The following RYR2 variants were observed in gnomAD, a reference collection of about 807,000 sequenced individuals.
RYR2 encodes cardiac muscle ryanodine receptor-calcium release channel.
Under a neutral mutation model 601.1 loss-of-function variants are expected in RYR2, and 227 were observed. The observed-to-expected ratio is 0.38, with a 90% CI of 0.34 to 0.42. RYR2 has a LOEUF of 0.42. Ranked by LOEUF, RYR2 falls within the 10% of genes least tolerant of loss-of-function variation. The pLI is 1.00. For missense variants in RYR2, 4,646 were observed against 6,156.5 expected, an observed-to-expected ratio of 0.75 and a Z score of 8.21; for synonymous variants, 2,223 against 2,175.1, an observed-to-expected ratio of 1.02 and a Z score of -0.61.
intron 12 of RYR2, among the ~76,000 whole-genome samples, chr1:237,433,033 G>GA (rs1706985157): frequency 6.7e-6 from 1 of 149,864 alleles, no homozygotes; most frequent in Non-Finnish European, 1.5e-5. Context: ...GTGACTGTGT[G>GA]TGGGGGGGGG....
At chr1:237,085,960 G>T (rs569418272) in intron 1 of RYR2, among the ~76,000 whole-genome samples, 1 of 152,282 alleles carries the variant, frequency 6.6e-6, no homozygotes, top group East Asian at 1.9e-4. Flanking sequence ...TCACCATGTT[G>T]CCCAGGCTGA....
chr1:237,277,622 G>A (rs754247919), intron 2 of RYR2, among the ~76,000 whole-genome samples: 5 of 152,038 alleles, frequency 3.3e-5, no homozygotes, highest in Non-Finnish European at 2.9e-5. Flanking sequence ...AAAATTAGGC[G>A]AGGTTTGGTC....
At chr1:237,440,188 G>T (rs927425868) in intron 12 of RYR2, among the ~76,000 whole-genome samples, 1 of 152,030 alleles carries the variant, frequency 6.6e-6, no homozygotes. Context: ...AATACATTAT[G>T]CAAATGACAT....
intron 1 of RYR2, among the ~76,000 whole-genome samples, chr1:237,200,709 C>T (rs1681097841): frequency 6.6e-6 from 1 of 152,044 alleles, no homozygotes; most frequent in African/African-American, 2.4e-5. Flanking sequence ...GGGTTGATAC[C>T]CCTCTTTCTT....
In RYR2 at chr1:237,384,901, T is replaced by TA. The variant is rs1353475871; in HGVS notation, c.577-2380_577-2379insA. Among the ~76,000 whole-genome samples, 5 of 152,072 alleles carry TA rather than the reference T, an allele frequency of 3.3e-5. No homozygotes were observed. The East Asian group carries it at 7.7e-4, about 23-fold the overall frequency. On this transcript the variant is annotated intron_variant, in intron 8 of 104. Coordinates refer to ENST00000366574, the MANE Select transcript of RYR2 (RefSeq NM_001035.3). ...CATTTATTTATTTATTATTTTATTT[T>TA]TTTTTGAGAAGTAGTCTCGCTCTTT...
chr1:237,807,479 A>G (rs914638692), intron 99 of RYR2, among the ~76,000 whole-genome samples: 2 of 152,058 alleles, frequency 1.3e-5, no homozygotes, highest in Admixed American at 6.6e-5. Context: ...AGCCTCCCGC[A>G]TAGCTGGGAT....
rs368325216 is a variant in RYR2 at position 237,489,852 on chromosome 1, A to G, written c.1709-1954A>G. On this transcript the variant is annotated intron_variant, in intron 17 of 104. Coordinates refer to ENST00000366574, the MANE Select transcript of RYR2 (RefSeq NM_001035.3). ...CATGCACTTAAATGTTCGTGGCATC[A>G]CTATTCACAAGAGCAAAGACATGTC... 9.2e-5 allele frequency among the ~76,000 whole-genome samples: 14 copies of G among 152,230 alleles called. No individual in the cohort carries two copies. The East Asian group carries it at 9.6e-4, about 10-fold the overall frequency.
In RYR2 at chr1:237,445,381, T is replaced by C. The variant is rs990253495; in HGVS notation, c.1171-20T>C. 1 of 1,612,530 alleles carries C rather than the reference T, an allele frequency of 6.2e-7. No homozygotes were observed. Among genetic ancestry groups the C allele is most frequent in the Non-Finnish European group, 8.5e-7 (1 of 1,179,064 alleles). ...AAAAGAGACGTTGGGAGTAATGGCCTTATTTTTGCTTTCTTACAGGCTATT... is the reference window on the plus strand; with the variant it reads ...AAAAGAGACGTTGGGAGTAATGGCCCTATTTTTGCTTTCTTACAGGCTATT... On this transcript the variant is annotated intron_variant, in intron 13 of 104. Coordinates refer to ENST00000366574, the MANE Select transcript of RYR2 (RefSeq NM_001035.3).
chr1:237,385,501 G>A (rs1701896331), intron 8 of RYR2, among the ~76,000 whole-genome samples: 1 of 152,220 alleles, frequency 6.6e-6, no homozygotes, highest in Admixed American at 6.5e-5. Context: ...GGTGGAGAAT[G>A]TGTACTATTA....
chr1:237,083,712 A>G (rs938044309), intron 1 of RYR2, among the ~76,000 whole-genome samples: 2 of 152,070 alleles, frequency 1.3e-5, no homozygotes, highest in Non-Finnish European at 1.5e-5. Context: ...TCTGCCCCAA[A>G]ATGCTAGACA....
At chr1:237,373,404 A>G (rs1700791893) in intron 6 of RYR2, among the ~76,000 whole-genome samples, 1 of 152,162 alleles carries the variant, frequency 6.6e-6, no homozygotes, top group Non-Finnish European at 1.5e-5. Flanking sequence ...CTGCCTTCTC[A>G]CACTCACAGA....
chr1:237,287,516 T>G (rs1403227954), intron 2 of RYR2, among the ~76,000 whole-genome samples: 1 of 152,196 alleles, frequency 6.6e-6, no homozygotes, highest in Non-Finnish European at 1.5e-5. Context: ...CTTACTCTTT[T>G]TTCTTTGTCT....
chr1:237,612,234 A>C (rs1428070230), intron 36 of RYR2, among the ~76,000 whole-genome samples: 3 of 152,196 alleles, frequency 2.0e-5, no homozygotes, highest in Non-Finnish European at 4.4e-5. Context: ...CATAATAGAC[A>C]AATCTTTAGA....
At chr1:237,433,478 A>G (rs780496760) in intron 12 of RYR2, among the ~76,000 whole-genome samples, 17 of 152,034 alleles carry the variant, frequency 1.1e-4, no homozygotes, top group Admixed American at 6.6e-4. Flanking sequence ...CACAATAAAA[A>G]GAGACCTTGA....
In RYR2 at chr1:237,106,141, A is replaced by G. The variant is rs1258105050; in HGVS notation, c.48+63572A>G. Among the ~76,000 whole-genome samples the G allele has an allele frequency of 1.3e-5, 2 of 152,150 alleles. No individual in the cohort carries two copies. The highest frequency in any genetic ancestry group is 6.5e-5 in the Admixed American group (1 of 15,274). On this transcript the variant is annotated intron_variant, in intron 1 of 104. Transcript: ENST00000366574. The surrounding 1 kb of genome is among the most constrained non-coding windows in gnomAD (Gnocchi z 4.4). ...TGGGCTCTTGCTATTACTTTTAGCCATATGGGAGTCATTGCAATCCTTTGA... is the reference window on the plus strand; with the variant it reads ...TGGGCTCTTGCTATTACTTTTAGCCGTATGGGAGTCATTGCAATCCTTTGA...
At chr1:237,216,645 G>GAGAA (rs1165663881) in intron 1 of RYR2, among the ~76,000 whole-genome samples, 1 of 151,796 alleles carries the variant, frequency 6.6e-6, no homozygotes, top group Non-Finnish European at 1.5e-5. Context: ...GCTGAGGCAG[G>GAGAA]AGAATGGCTT....
At chr1:237,473,470 T>TTTCTTTCTTTC (rs1402083497) in intron 17 of RYR2, among the ~76,000 whole-genome samples, 1 of 149,182 alleles carries the variant, frequency 6.7e-6, no homozygotes, top group African/African-American at 2.4e-5. Flanking sequence ...TCTATCTATC[T>TTTCTTTCTTTC]ATCTATCTGG....
intron 9 of RYR2, 94 bp downstream of exon 9, chr1:237,387,474 C>G: frequency 8.9e-7 from 1 of 1,119,786 alleles, no homozygotes; most frequent in African/African-American, 1.5e-5. Flanking sequence ...TTAATTAGAG[C>G]TTTTTGTCTG....
intron 81 of RYR2, 70 bp downstream of exon 81, chr1:237,756,457 C>G (rs1558350859): frequency 9.9e-7 from 1 of 1,010,194 alleles, no homozygotes; most frequent in East Asian, 2.4e-5. Flanking sequence ...AAGGTCCTCC[C>G]TCATTTCAAT....
Sources: allele counts gnomAD v4.1 joint callset (sites outside exome capture counted in the v4.1 genomes callset), GRCh38; gene constraint gnomAD v4.1.1; non-coding constraint Gnocchi (gnomAD v3.1); transcripts MANE v1.5; gene names NCBI Gene and HGNC (gene_info 2026-07-23, HGNC 2026-07-21).